The following SF3B3 variants were observed in gnomAD, a reference collection of about 807,000 sequenced individuals.
SF3B3 encodes SAP 130.
SF3B3 carries 33 observed loss-of-function variants against 139.2 expected under a neutral mutation model. The observed-to-expected ratio is 0.24, with a 90% confidence interval of 0.18 to 0.32. The LOEUF (loss-of-function observed/expected upper bound fraction) is 0.32. SF3B3 is among the 10% of genes least tolerant of loss of function. The pLI is 1.00. For synonymous variants in SF3B3, 596 were observed against 563.6 expected (o/e 1.06, Z -0.81); for missense variants, 818 against 1,509.4 (o/e 0.54, Z 7.59).
In SF3B3 at chr16:70,565,452, A is replaced by G; in HGVS notation, c.2754A>G (p.Arg918=). ...CCAAGGACCTGATACTAAACCCCCG[A>G]TCTGTGGCAGGGGGCTTCGTCTATA... ...GVAKDLILNP[R]SVAGGFVYTY... is the part of the protein sequence containing the mutation. The change falls in exon 20 of 26, where the codon CGA becomes CGG. Residue 918 remains arginine (R), a synonymous_variant. Coordinates refer to ENST00000302516, the MANE Select transcript of SF3B3 (RefSeq NM_012426.5). The G allele has an allele frequency of 6.2e-7, 1 of 1,614,120 alleles. No individual in the cohort carries two copies. The highest frequency in any genetic ancestry group is 1.1e-5 in the South Asian group (1 of 91,074).
In SF3B3 at chr16:70,556,939, G is replaced by A; in HGVS notation, c.1920G>A (p.Leu640=). ...MQALPAQPES[L]CIVEMGGTEK... is the part of the protein sequence containing the mutation. ...CTCTCCCAGCCCAGCCTGAGTCCTT[G>A]TGTATCGTGGAAATGGGTGGGACTG... is the stretch of plus-strand genomic sequence containing the variant. The change falls in exon 15 of 26, where the codon TTG becomes TTA. Residue 640 remains leucine (L), a synonymous_variant. Transcript: ENST00000302516. 1.2e-6 allele frequency: 2 copies of A among 1,614,120 alleles called. No individual in the cohort carries two copies. Among genetic ancestry groups the A allele is most frequent in the South Asian group, 2.2e-5 (2 of 91,068 alleles).
rs1229193152 is a variant in SF3B3, at chr16:70,528,777, C to T, written c.71-96C>T. ...GGATTACAGGCATGTGCCACCACGC[C>T]TGGCTAATTTTTGTATTTTTAGTAG... On this transcript the variant is annotated intron_variant, in intron 2 of 25. Coordinates refer to ENST00000302516, the MANE Select transcript of SF3B3 (RefSeq NM_012426.5). 3.6e-6 allele frequency: 3 copies of T among 843,000 alleles called. No homozygotes were observed. The African/African-American group carries it at 5.1e-5, about 14-fold the overall frequency. The allele number at this position is 843,000 out of a possible 1,614,324, so 52.2% of individuals were successfully genotyped here.
intron 4 of SF3B3, among the ~76,000 whole-genome samples, chr16:70,531,697 G>C (rs534065187): frequency 1.3e-5 from 2 of 152,326 alleles, no homozygotes; most frequent in South Asian, 4.1e-4. Flanking sequence ...TCTGATTTAA[G>C]TAATCTCCCT....
intron 11 of SF3B3, among the ~76,000 whole-genome samples, chr16:70,551,677 G>A (rs915008425): frequency 2.6e-5 from 4 of 152,076 alleles, no homozygotes; most frequent in Admixed American, 2.6e-4. Context: ...ACTCCAGCCT[G>A]GGCAACCAGA....
chr16:70,564,273 G>A (rs1375306715), intron 18 of SF3B3, among the ~76,000 whole-genome samples: 1 of 152,180 alleles, frequency 6.6e-6, no homozygotes. Flanking sequence ...TTGGGAGGCT[G>A]AGGCAGGAGG....
chr16:70,533,737 C>T (rs982460604), intron 5 of SF3B3, among the ~76,000 whole-genome samples: 1 of 152,130 alleles, frequency 6.6e-6, no homozygotes, highest in Non-Finnish European at 1.5e-5. Flanking sequence ...TGCACTTCAA[C>T]TGATGTCTAA....
intron 6 of SF3B3, among the ~76,000 whole-genome samples, chr16:70,536,241 C>A (rs1212845279): frequency 2.0e-5 from 3 of 151,894 alleles, no homozygotes; most frequent in Admixed American, 2.0e-4. Context: ...GATCTTGGCT[C>A]ACTGAAACCT....
chr16:70,526,988 C>T, intron 2 of SF3B3: 1 of 542,362 alleles, frequency 1.8e-6, no homozygotes, highest in Non-Finnish European at 3.3e-6. Flanking sequence ...AGTCGTGTGC[C>T]TATTGCTGTA....
At chr16:70,547,027 C>CA (rs34272829) in intron 10 of SF3B3, among the ~76,000 whole-genome samples, 71,599 of 148,716 alleles carry the variant, frequency 0.48, 17,449 homozygotes, top group South Asian at 0.64. Flanking sequence ...GACTCCGTCT[C>CA]AAAAAAAAAA....
rs973543173 is a variant in SF3B3, at chr16:70,576,466, A to G, written c.*4653A>G. Reference sequence around the variant, plus strand: ...TTCTCTGACTGCAGTCTCATAATGAAAGGAGAGGTGCTTTCAGTTGGGTCA... The same window carrying G: ...TTCTCTGACTGCAGTCTCATAATGAGAGGAGAGGTGCTTTCAGTTGGGTCA... On this transcript the variant is annotated 3_prime_UTR_variant, in exon 26 of 26. Transcript: ENST00000302516. 8.5e-5 allele frequency: 13 copies of G among 152,180 alleles called. No individual in the cohort carries two copies. Among genetic ancestry groups the G allele is most frequent in the African/African-American group, 3.1e-4 (13 of 41,432 alleles). 9.4% of individuals were successfully genotyped at this position (152,180 alleles called of 1,614,324 possible).
At chr16:70,528,608 G>T (rs8046881) in intron 2 of SF3B3, among the ~76,000 whole-genome samples, 85,427 of 151,720 alleles carry the variant, frequency 0.56, 26,921 homozygotes, top group African/African-American at 0.86. Flanking sequence ...TAGAGGCACA[G>T]GCCATCACAC....
At chr16:70,556,620 C>A in intron 14 of SF3B3, 1 of 595,576 alleles carries the variant, frequency 1.7e-6, no homozygotes, top group Non-Finnish European at 2.9e-6. Flanking sequence ...TGCTGCAGGA[C>A]CCTAGGTGAC....
chr16:70,539,460 A>G (rs2050198511), intron 8 of SF3B3, among the ~76,000 whole-genome samples: 1 of 152,114 alleles, frequency 6.6e-6, no homozygotes, highest in South Asian at 2.1e-4. Flanking sequence ...AGGCAGGAGA[A>G]TCACTTGAAT....
intron 8 of SF3B3, among the ~76,000 whole-genome samples, chr16:70,541,143 G>A (rs535247081): frequency 6.6e-6 from 1 of 152,322 alleles, no homozygotes; most frequent in Admixed American, 6.5e-5. Flanking sequence ...TGCTAAGTAT[G>A]CAGTGGTGGT....
intron 12 of SF3B3, 140 bp from the exon 13 acceptor site, chr16:70,554,911 C>T (rs1471657087): frequency 2.5e-6 from 2 of 797,198 alleles, no homozygotes; most frequent in Non-Finnish European, 3.9e-6. Context: ...CCTACTAACT[C>T]TTTTGTCTTT....
At chr16:70,544,336 T>G in intron 9 of SF3B3, 102 bp from the exon 10 acceptor site, 1 of 704,670 alleles carries the variant, frequency 1.4e-6, no homozygotes, top group Non-Finnish European at 2.6e-6. Context: ...CAGCAGATAA[T>G]TGTATTGGAA....
chr16:70,535,711 G>A (rs947906593), intron 6 of SF3B3, among the ~76,000 whole-genome samples: 1 of 151,154 alleles, frequency 6.6e-6, no homozygotes, highest in Non-Finnish European at 1.5e-5. Context: ...GAGAAACCAG[G>A]CATATTTGTT....
In SF3B3 at chr16:70,568,022, T is replaced by C. The variant is rs202126919; in HGVS notation, c.2953-261T>C. On this transcript the variant is annotated intron_variant, in intron 21 of 25. Transcript: ENST00000302516. ...GAGGAGCAGGAGTAGAGGGATCTCA[T>C]TTCTTGACTTACCAAACAAGAACCA... is the stretch of plus-strand genomic sequence containing the variant. Among the ~76,000 whole-genome samples the C allele has an allele frequency of 2.0e-5, 3 of 152,182 alleles. No homozygotes were observed. In the East Asian group the frequency reaches 5.8e-4, roughly 29 times the overall value.
At chr16:70,566,861 C>T (rs901379610) in intron 20 of SF3B3, among the ~76,000 whole-genome samples, 2 of 152,036 alleles carry the variant, frequency 1.3e-5, no homozygotes, top group Admixed American at 1.3e-4. Context: ...CCAGCCTGGG[C>T]AATGTGGTGA....
Sources: gnomAD v4.1 joint callset for allele counts (sites outside exome capture counted in the v4.1 genomes callset) on GRCh38, gnomAD v4.1.1 for gene constraint, MANE v1.5 for transcripts, NCBI Gene and HGNC (gene_info 2026-07-23, HGNC 2026-07-21) for gene names.